Variants in HPD observed in about 807,000 individuals in gnomAD.
HPD encodes the protein 4-hydroxyphenylpyruvic acid oxidase.
A neutral mutation model predicts 56.9 loss-of-function variants in HPD; 35 were observed. That is an observed-to-expected ratio of 0.62 (90% confidence interval 0.47 to 0.82). HPD has a LOEUF of 0.82. Ranked by LOEUF, HPD falls within the 40% of genes least tolerant of loss-of-function variation. The pLI, the probability that HPD is intolerant of heterozygous loss-of-function variation, is 0.00. For synonymous variants in HPD, 186 were observed against 200.2 expected (o/e 0.93, Z 0.60); for missense variants, 442 against 506.8 (o/e 0.87, Z 1.23).
At chr12:121,873,059 G>C in the HPD span, among the ~76,000 whole-genome samples, 1 of 152,172 alleles carries the variant, frequency 6.6e-6, no homozygotes, top group Non-Finnish European at 1.5e-5. Flanking sequence ...AAGCACCGAG[G>C]TAGGGATCAT....
In HPD at chr12:121,847,167, G is replaced by A. The variant is rs770158577; in HGVS notation, c.644C>T (p.Thr215Met). 6.2e-6 allele frequency: 10 copies of A among 1,614,036 alleles called. No homozygotes were observed. Among genetic ancestry groups the A allele is most frequent in the East Asian group, 2.2e-5 (1 of 44,892 alleles). ...AGAGCTATATTCCGTGTGCACCTGC[G>A]TGTCATCCACGGACCAGAAGCGGTG... is the stretch of plus-strand genomic sequence containing the variant. Reference protein sequence around the residue: ...QFHRFWSVDDTQVHTEYSSLR... With the variant: ...QFHRFWSVDDMQVHTEYSSLR... The change falls in exon 10 of 14, where the codon ACG becomes ATG. Residue 215 changes from threonine (T) to methionine (M), a missense_variant. Transcript: ENST00000289004.
At chr12:121,856,662 CA>C (rs774092385) in intron 4 of HPD, 37 bp from the exon 5 acceptor site, 8 of 1,607,002 alleles carry the variant, frequency 5.0e-6, no homozygotes, top group Non-Finnish European at 6.8e-6. Flanking sequence ...GCTAGTGGCT[CA>C]GGGGGGCATG....
At chr12:121,843,517 A>G (rs1011246037) in intron 12 of HPD, among the ~76,000 whole-genome samples, 193 bp downstream of exon 12, 3 of 152,166 alleles carry the variant, frequency 2.0e-5, no homozygotes, top group East Asian at 1.9e-4. Context: ...TGCACTGACT[A>G]TCTCTGACCG....
chr12:121,868,916 C>T, the HPD span, among the ~76,000 whole-genome samples: 1 of 151,854 alleles, frequency 6.6e-6, no homozygotes, highest in African/African-American at 2.4e-5. Flanking sequence ...AGACTCTCGC[C>T]CTATCATCCA....
Position 121,839,749 on chromosome 12 carries a change from A to T in HPD, c.1161T>A (p.Asn387Lys). Reference sequence around the variant, plus strand: ...GGGCTTACATGCCGGGCACCACCCCATTGGTCTCCATGTTGGTGAGGTTAC... The same window carrying T: ...GGGCTTACATGCCGGGCACCACCCCTTTGGTCTCCATGTTGGTGAGGTTAC... The part of the protein sequence containing the change: ...LRGNLTNMET[N>K]GVVPGM The change falls in exon 14 of 14, where the codon AAT becomes AAA. Residue 387 changes from asparagine to lysine, a missense_variant. Asn to Lys is a moderately conservative substitution (Grantham distance 94). Transcript: ENST00000289004. The T allele has an allele frequency of 6.2e-7, 1 of 1,613,572 alleles. No homozygotes were observed. Among genetic ancestry groups the T allele is most frequent in the South Asian group, 1.1e-5 (1 of 91,064 alleles).
intron 11 of HPD, among the ~76,000 whole-genome samples, chr12:121,846,330 C>A (rs1368666396): frequency 6.6e-6 from 1 of 152,196 alleles, no homozygotes. Flanking sequence ...ACTTCTCTTG[C>A]CTCAGCCTCC....
upstream of HPD, among the ~76,000 whole-genome samples, chr12:121,867,870 A>G (rs1356679625): frequency 1.3e-5 from 2 of 152,070 alleles, no homozygotes; most frequent in Admixed American, 1.3e-4. Flanking sequence ...AGGTTTTGCT[A>G]TGTTGCCCAG....
chr12:121,842,301 CTG>C (rs1413128380), intron 12 of HPD, among the ~76,000 whole-genome samples: 1 of 151,296 alleles, frequency 6.6e-6, no homozygotes, highest in East Asian at 2.0e-4. Context: ...TTTTTTAAAA[CTG>C]TTTTTTTTGT....
At position 121,839,831 on chromosome 12, in the gene HPD, C is replaced by T; in HGVS notation, c.1079G>A (p.Gly360Glu). The change falls in exon 14 of 14, where the codon GGA becomes GAA. Residue 360 changes from glycine to glutamate, a missense_variant. Physicochemically the swap from Gly to Glu is moderately conservative, Grantham distance 98. Transcript: ENST00000289004. ...VIQRHNHQGF[G>E]AGNFNSLFKA... ...GAACAGTGAGTTGAAGTTGCCGGCT[C>T]CAAAACCCTGTGGCGGGAAAGAGAG... 6.2e-7 allele frequency: 1 copy of T among 1,614,122 alleles called. No individual in the cohort carries two copies. The highest frequency in any genetic ancestry group is 8.5e-7 in the Non-Finnish European group (1 of 1,179,952).
chr12:121,857,774 C>A lies in HPD; in HGVS notation c.76G>T (p.Val26Phe), dbSNP rs772995392. The stretch of plus-strand genomic sequence containing the variant: ...GCTTCTACCTGCTTGGCGTTGCCAA[C>A]CCAGAAGGTCACAGAGTGGAAGTGG... ...FLHFHSVTFW[V>F]GNAKQATSFY... Residue 26 changes from valine to phenylalanine, a missense_variant, in exon 3 of 14, where the codon GTT becomes TTT. Val to Phe is a conservative substitution (Grantham distance 50, BLOSUM62 -1). Coordinates refer to ENST00000289004, the MANE Select transcript of HPD (RefSeq NM_002150.3). The A allele has an allele frequency of 6.2e-7, 1 of 1,614,006 alleles. No homozygotes were observed. Among genetic ancestry groups the A allele is most frequent in the South Asian group, 1.1e-5 (1 of 91,062 alleles).
chr12:121,847,286 T>C, intron 9 of HPD, 72 bp from the exon 10 acceptor site: 1 of 1,410,854 alleles, frequency 7.1e-7, no homozygotes, highest in Non-Finnish European at 1.0e-6. Flanking sequence ...CATTTCCACC[T>C]TCCAGAATCT....
At chr12:121,884,815 C>A in the HPD span, among the ~76,000 whole-genome samples, 2 of 152,042 alleles carry the variant, frequency 1.3e-5, no homozygotes, top group African/African-American at 4.8e-5. Context: ...TTTACATTTA[C>A]AAATAATTTA....
chr12:121,846,067 T>G (rs1325034504), intron 11 of HPD, among the ~76,000 whole-genome samples: 1 of 152,072 alleles, frequency 6.6e-6, no homozygotes, highest in Non-Finnish European at 1.5e-5. Flanking sequence ...GCCTGGTTAA[T>G]TTTGTTTACT....
chr12:121,840,374 C>T (rs2137606501), intron 12 of HPD, among the ~76,000 whole-genome samples: 2 of 152,246 alleles, frequency 1.3e-5, no homozygotes, highest in East Asian at 3.9e-4. Flanking sequence ...AATCTTGGCT[C>T]ACTGAAACCT....
intron 6 of HPD, among the ~76,000 whole-genome samples, chr12:121,855,483 C>T (rs1018156653): frequency 3.9e-5 from 6 of 152,142 alleles, no homozygotes; most frequent in African/African-American, 1.4e-4. Flanking sequence ...TTTAGGAGGC[C>T]GAGGTGGGTG....
At chr12:121,852,721 GCCT>G (rs1172085260) in intron 7 of HPD, among the ~76,000 whole-genome samples, 2 of 139,658 alleles carry the variant, frequency 1.4e-5, no homozygotes, top group Non-Finnish European at 3.0e-5. Context: ...TGCAACCTCT[GCCT>G]CCTGGGTTCA....
chr12:121,885,331 A>G, the HPD span, among the ~76,000 whole-genome samples: 1 of 151,928 alleles, frequency 6.6e-6, no homozygotes. Flanking sequence ...TCTCCCGAGT[A>G]GCTGTGACTA....
rs2137605535 is a variant in HPD at position 121,839,773 on chromosome 12, A to G, written c.1137T>C (p.Gly379=). The G allele has an allele frequency of 6.2e-7, 1 of 1,614,088 alleles. No individual in the cohort carries two copies. Among genetic ancestry groups the G allele is most frequent in the Non-Finnish European group, 8.5e-7 (1 of 1,179,996 alleles). The part of the protein sequence containing the change: ...KAFEEEQNLR[G]NLTNMETNGV... ...CATTGGTCTCCATGTTGGTGAGGTT[A>G]CCCCGCAGGTTCTGCTCCTCCTCGA... Residue 379 remains glycine (G), a synonymous_variant, in exon 14 of 14, where the codon GGT becomes GGC. Transcript: ENST00000289004.
the HPD span, among the ~76,000 whole-genome samples, chr12:121,876,479 C>T: frequency 6.6e-6 from 1 of 152,138 alleles, no homozygotes; most frequent in Non-Finnish European, 1.5e-5. Flanking sequence ...GATACGGGAT[C>T]AAGGCCCGGG....
Sources: allele counts gnomAD v4.1 joint callset (sites outside exome capture counted in the v4.1 genomes callset), GRCh38; gene constraint gnomAD v4.1.1; transcripts MANE v1.5; gene names NCBI Gene and HGNC (gene_info 2026-07-23, HGNC 2026-07-21).